The following AKT3 variants were observed in gnomAD, a reference collection of about 807,000 sequenced individuals.
The protein encoded by AKT3 is AKT serine/threonine kinase 3.
Under a neutral mutation model 65.3 loss-of-function variants are expected in AKT3, and 15 were observed. The observed-to-expected ratio is 0.23, with a 90% CI of 0.15 to 0.35. AKT3 has a LOEUF of 0.35. AKT3 is among the 10% of genes least tolerant of loss of function. AKT3 has a pLI of 1.00. For synonymous variants in AKT3, 206 were observed against 183.8 expected, an observed-to-expected ratio of 1.12 and a Z score of -0.98; for missense variants, 243 against 576.5, an observed-to-expected ratio of 0.42 and a Z score of 5.92.
intron 12 of AKT3, among the ~76,000 whole-genome samples, chr1:243,539,842 C>T (rs12134718): frequency 6.6e-6 from 1 of 152,116 alleles, no homozygotes; most frequent in Non-Finnish European, 1.5e-5. Flanking sequence ...AGAAACTTAA[C>T]TTAGATGATA....
chr1:243,734,676 C>G (rs1208643582), intron 2 of AKT3, among the ~76,000 whole-genome samples: 1 of 152,276 alleles, frequency 6.6e-6, no homozygotes, highest in African/African-American at 2.4e-5. Flanking sequence ...CTGTAGACTA[C>G]TGTGGACTTC....
intron 8 of AKT3, among the ~76,000 whole-genome samples, chr1:243,605,197 CTT>C (rs540680901): frequency 3.5e-5 from 5 of 144,386 alleles, no homozygotes; most frequent in African/African-American, 2.5e-5. Flanking sequence ...ACATGGCTAA[CTT>C]TTTTTTTTTT....
At chr1:243,520,417 T>C (rs1670650284) in intron 12 of AKT3, among the ~76,000 whole-genome samples, 1 of 152,238 alleles carries the variant, frequency 6.6e-6, no homozygotes, top group African/African-American at 2.4e-5. Context: ...TGGTATTTTG[T>C]TACAGCAGCC....
In AKT3 at chr1:243,501,319, A is replaced by AAAT. The variant is rs1321121961; in HGVS notation, c.*3927_*3929dup. On this transcript the variant is annotated 3_prime_UTR_variant, in exon 14 of 14. Coordinates refer to ENST00000673466, the MANE Select transcript of AKT3 (RefSeq NM_005465.7). ...TTAATTTGCCATGACATGTTGTTAG[A>AAAT]AATACACTCTAAGAAAGGAAATATG... The AAAT allele has an allele frequency of 2.6e-5, 6 of 233,166 alleles. No homozygotes were observed. The highest frequency in any genetic ancestry group is 6.0e-5 in the East Asian group (1 of 16,606). 14.4% of individuals were successfully genotyped at this position (233,166 alleles called of 1,614,324 possible).
intron 2 of AKT3, among the ~76,000 whole-genome samples, chr1:243,826,943 A>C (rs889379264): frequency 1.3e-5 from 2 of 152,208 alleles, no homozygotes; most frequent in African/African-American, 4.8e-5. Context: ...ATTAAATTAA[A>C]TGTTAGGAAG....
intron 8 of AKT3, among the ~76,000 whole-genome samples, chr1:243,577,476 G>C (rs537189016): frequency 5.3e-5 from 8 of 152,086 alleles, no homozygotes; most frequent in Non-Finnish European, 1.2e-4. Context: ...ATGGTGTTGG[G>C]AGAACTAGCT....
chr1:243,512,517 G>A (rs2148363951), intron 12 of AKT3, 91 bp from the exon 13 acceptor site: 2 of 775,626 alleles, frequency 2.6e-6, no homozygotes, highest in South Asian at 1.6e-5. Context: ...GTAGTTAAAT[G>A]AACAGAACAA....
Position 243,630,454 on chromosome 1 carries a change from C to T in AKT3, c.561+7157G>A, listed in dbSNP as rs115100948. Among the ~76,000 whole-genome samples, 744 of 152,306 alleles carry T rather than the reference C, an allele frequency of 4.9e-3. 6 individuals carry two copies. The highest frequency in any genetic ancestry group is 0.017 in the African/African-American group (719 of 41,556). On this transcript the variant is annotated intron_variant, in intron 6 of 13. Transcript: ENST00000673466. ...AAAAGGCCTAGGACAGATATTCCCA[C>T]TCAGAAAGGGAGAAATTGGAAGAAA...
chr1:243,615,903 G>C (rs781322784), intron 6 of AKT3, among the ~76,000 whole-genome samples: 8 of 151,762 alleles, frequency 5.3e-5, no homozygotes, highest in Non-Finnish European at 8.8e-5. Flanking sequence ...AGCCTTATAT[G>C]CTTCCTTATT....
At chr1:243,779,969 G>A (rs1454804791) in intron 2 of AKT3, among the ~76,000 whole-genome samples, 1 of 151,992 alleles carries the variant, frequency 6.6e-6, no homozygotes, top group Non-Finnish European at 1.5e-5. Flanking sequence ...GAGGGAGAAA[G>A]AAATTTCCTC....
chr1:243,753,118 AC>A (rs1459989538), intron 2 of AKT3, among the ~76,000 whole-genome samples: 1 of 152,156 alleles, frequency 6.6e-6, no homozygotes, highest in Non-Finnish European at 1.5e-5. Flanking sequence ...GCCCTATATC[AC>A]CATCCGATTT....
chr1:243,821,375 C>G (rs1186387116), intron 2 of AKT3, among the ~76,000 whole-genome samples: 1 of 152,146 alleles, frequency 6.6e-6, no homozygotes, highest in Non-Finnish European at 1.5e-5. Context: ...GCTACATCAA[C>G]ACGTCTGCAA....
At chr1:243,722,996 GTAA>G (rs1371452613) in intron 2 of AKT3, among the ~76,000 whole-genome samples, 1 of 152,104 alleles carries the variant, frequency 6.6e-6, no homozygotes, top group Non-Finnish European at 1.5e-5. Context: ...TAGTTTACAA[GTAA>G]TAATAAGGTC....
At chr1:243,813,469 C>T (rs1303254239) in intron 2 of AKT3, among the ~76,000 whole-genome samples, 1 of 149,878 alleles carries the variant, frequency 6.7e-6, no homozygotes, top group East Asian at 1.9e-4. Flanking sequence ...ACCACCTGTT[C>T]CCCAAACGCC....
rs543532007 is a variant in AKT3, at chr1:243,533,551, A to G, written c.1251+11959T>C. Among the ~76,000 whole-genome samples the G allele has an allele frequency of 3.4e-4, 52 of 152,354 alleles. 1 individual carries two copies. The highest frequency in any genetic ancestry group is 1.2e-3 in the African/African-American group (48 of 41,586). On this transcript the variant is annotated intron_variant, in intron 12 of 13. Transcript: ENST00000673466. ...TTCAAACTCAAGGGCTGGCAGTTAA[A>G]AAAAGTTAAAAAAGCATAATTTATT...
intron 3 of AKT3, among the ~76,000 whole-genome samples, chr1:243,689,030 A>C (rs1010089874): frequency 3.3e-5 from 5 of 152,160 alleles, no homozygotes; most frequent in African/African-American, 9.6e-5. Context: ...TTCTCAGTCA[A>C]CCTCGCCAAC....
intron 2 of AKT3, among the ~76,000 whole-genome samples, chr1:243,838,690 T>C (rs1163823818): frequency 6.6e-6 from 1 of 152,206 alleles, no homozygotes; most frequent in African/African-American, 2.4e-5. Context: ...TAAGCTATCT[T>C]GTGAGACAAC....
intron 1 of AKT3, among the ~76,000 whole-genome samples, chr1:243,848,217 A>G (rs1695599503): frequency 6.6e-6 from 1 of 152,160 alleles, no homozygotes; most frequent in Admixed American, 6.5e-5. Context: ...AAAGATCTTC[A>G]AGTACCATCT....
intron 2 of AKT3, among the ~76,000 whole-genome samples, chr1:243,840,751 G>A (rs1420447223): frequency 6.6e-6 from 1 of 151,656 alleles, no homozygotes; most frequent in East Asian, 1.9e-4. Context: ...GGCAAGTTTA[G>A]AGACAATGTC....
Sources: allele counts gnomAD v4.1 joint callset (sites outside exome capture counted in the v4.1 genomes callset), GRCh38; gene constraint gnomAD v4.1.1; transcripts MANE v1.5; gene names NCBI Gene and HGNC (gene_info 2026-07-23, HGNC 2026-07-21).